PREX1: variants seen among roughly 807,000 people sequenced by gnomAD.
PREX1 encodes phosphatidylinositol 3,4,5-trisphosphate-dependent Rac exchanger 1 protein.
In PREX1, 41 loss-of-function variants were observed where a neutral mutation model predicts 198.3. The observed-to-expected ratio is 0.21, with a 90% CI of 0.16 to 0.27. PREX1 has a LOEUF of 0.27. PREX1 is among the 10% of genes least tolerant of loss of function. The pLI is 1.00. For synonymous variants in PREX1, 843 were observed against 887.2 expected (o/e 0.95, Z 0.89); for missense variants, 1,620 against 2,200.7 (o/e 0.74, Z 5.28).
intron 11 of PREX1, among the ~76,000 whole-genome samples, chr20:48,680,135 C>T (rs1323273160): frequency 1.3e-5 from 2 of 152,210 alleles, no homozygotes; most frequent in Admixed American, 1.3e-4. Context: ...GACAAGCATG[C>T]TGGGGCCTGA....
chr20:48,687,333 C>T (rs1454652097), intron 10 of PREX1, among the ~76,000 whole-genome samples: 1 of 152,266 alleles, frequency 6.6e-6, no homozygotes, highest in African/African-American at 2.4e-5. Context: ...CTGCTCCTCC[C>T]GCCATCTTCT....
At chr20:48,665,014 T>C (rs35868993) in intron 15 of PREX1, among the ~76,000 whole-genome samples, 6 of 109,568 alleles carry the variant, frequency 5.5e-5, no homozygotes, top group Admixed American at 3.3e-4. Flanking sequence ...TAATCCCGAC[T>C]CCAGACGGCC....
At chr20:48,722,259 C>T (rs557210984) in intron 5 of PREX1, among the ~76,000 whole-genome samples, 24 of 152,296 alleles carry the variant, frequency 1.6e-4, no homozygotes, top group East Asian at 7.7e-4. Flanking sequence ...AGCCACACAA[C>T]GGAAGATGAT....
chr20:48,774,184 G>A (rs1274329271), intron 1 of PREX1, among the ~76,000 whole-genome samples: 1 of 152,240 alleles, frequency 6.6e-6, no homozygotes, highest in Non-Finnish European at 1.5e-5. Flanking sequence ...GTCTGGTGAA[G>A]GAGACAGACC....
Position 48,780,711 on chromosome 20 carries a change from C to T in PREX1, c.220-32831G>A, listed in dbSNP as rs535556195. On this transcript the variant is annotated intron_variant, in intron 1 of 39. Coordinates refer to ENST00000371941, the MANE Select transcript of PREX1 (RefSeq NM_020820.4). Reference sequence around the variant, plus strand: ...GAGGAGTGAAGGAAATAGAAAGCCACGACTGGAAGACCACAGTAAGAGCTA... The same window carrying T: ...GAGGAGTGAAGGAAATAGAAAGCCATGACTGGAAGACCACAGTAAGAGCTA... 6.6e-5 allele frequency among the ~76,000 whole-genome samples: 10 copies of T among 152,252 alleles called. No homozygotes were observed. In the South Asian group the frequency reaches 1.2e-3, roughly 19 times the overall value.
the PREX1 span, among the ~76,000 whole-genome samples, chr20:48,857,068 A>G: frequency 6.6e-6 from 1 of 152,020 alleles, no homozygotes; most frequent in Non-Finnish European, 1.5e-5. Context: ...CGAACTCCCA[A>G]CGTCAGGTGA....
intron 1 of PREX1, among the ~76,000 whole-genome samples, chr20:48,811,628 C>CTA (rs1432726159): frequency 3.9e-5 from 5 of 127,802 alleles, no homozygotes; most frequent in Non-Finnish European, 8.2e-5. Context: ...ACACACCCCC[C>CTA]CACACACACA....
intron 1 of PREX1, among the ~76,000 whole-genome samples, chr20:48,764,200 C>T (rs2090197570): frequency 6.6e-6 from 1 of 152,180 alleles, no homozygotes; most frequent in African/African-American, 2.4e-5. Context: ...CAATACAGTG[C>T]CAGGCCTTCT....
intron 5 of PREX1, among the ~76,000 whole-genome samples, chr20:48,717,893 T>C (rs2089969246): frequency 6.6e-6 from 1 of 152,228 alleles, no homozygotes; most frequent in Admixed American, 6.5e-5. Context: ...CCTATGCCTC[T>C]TGGGTATGCA....
intron 1 of PREX1, among the ~76,000 whole-genome samples, chr20:48,824,392 G>A (rs2090500044): frequency 6.6e-6 from 1 of 152,056 alleles, no homozygotes; most frequent in African/African-American, 2.4e-5. Flanking sequence ...GTGTCAAAAG[G>A]AAACTCACTC....
intron 1 of PREX1, among the ~76,000 whole-genome samples, chr20:48,762,966 G>C (rs1568854990): frequency 1.3e-5 from 2 of 152,220 alleles, no homozygotes; most frequent in Admixed American, 1.3e-4. Flanking sequence ...GCCTCCCAAA[G>C]TTCTGGGATT....
At chr20:48,769,456 G>A (rs2090224871) in intron 1 of PREX1, among the ~76,000 whole-genome samples, 1 of 152,114 alleles carries the variant, frequency 6.6e-6, no homozygotes, top group Admixed American at 6.5e-5. Context: ...ACTAGGCATG[G>A]GGCCGGCTTC....
chr20:48,831,392 AG>A (rs1232060638), upstream of PREX1, among the ~76,000 whole-genome samples: 1 of 152,276 alleles, frequency 6.6e-6, no homozygotes, highest in African/African-American at 2.4e-5. Context: ...AGAGAAGAGG[AG>A]CTAGCATGGT....
the PREX1 span, among the ~76,000 whole-genome samples, chr20:48,840,300 C>T: frequency 1.3e-5 from 2 of 150,682 alleles, no homozygotes; most frequent in Non-Finnish European, 2.9e-5. Flanking sequence ...CAGGTGTGAG[C>T]CACCGTGCCT....
intron 1 of PREX1, among the ~76,000 whole-genome samples, chr20:48,782,277 T>A (rs1368128096): frequency 6.6e-6 from 1 of 152,160 alleles, no homozygotes; most frequent in Admixed American, 6.5e-5. Context: ...ATGGGGGAAG[T>A]TTCCCCCATG....
intron 14 of PREX1, among the ~76,000 whole-genome samples, chr20:48,670,855 G>T (rs554489603): frequency 5.3e-5 from 8 of 152,302 alleles, no homozygotes; most frequent in Admixed American, 5.2e-4. Context: ...GATCCTGGTG[G>T]CTGTGTGCCC....
chr20:48,669,577 T>C (rs1278282525), intron 14 of PREX1, among the ~76,000 whole-genome samples: 2 of 151,836 alleles, frequency 1.3e-5, no homozygotes. Flanking sequence ...AGGGATGTGA[T>C]GGGAGAGGGG....
the PREX1 span, among the ~76,000 whole-genome samples, chr20:48,887,232 A>C: frequency 1.3e-5 from 2 of 152,282 alleles, no homozygotes; most frequent in South Asian, 2.1e-4. Context: ...TCTTTCTTAG[A>C]GTTTTTATGA....
intron 1 of PREX1, among the ~76,000 whole-genome samples, chr20:48,792,817 T>TACACACACACACACAC (rs372512250): frequency 1.8e-4 from 21 of 113,548 alleles, no homozygotes; most frequent in African/African-American, 6.2e-4. Flanking sequence ...AAAAAAAAAA[T>TACACACACACACACAC]ACACACACAC....
Sources: allele counts gnomAD v4.1 joint callset (sites outside exome capture counted in the v4.1 genomes callset), GRCh38; gene constraint gnomAD v4.1.1; transcripts MANE v1.5; gene names NCBI Gene and HGNC (gene_info 2026-07-23, HGNC 2026-07-21).